TBRG4: variants seen among roughly 807,000 people sequenced by gnomAD.
The protein encoded by TBRG4 is FAST kinase domain-containing protein 4.
Under a neutral mutation model 65.6 loss-of-function variants are expected in TBRG4, and 43 were observed. That is an observed-to-expected ratio of 0.66 (90% CI 0.51 to 0.85). The LOEUF (loss-of-function observed/expected upper bound fraction) is 0.85, where lower values mean the gene tolerates loss of function less well. TBRG4 is among the 40% of genes least tolerant of loss of function. The pLI is 0.00. For synonymous variants in TBRG4, 366 were observed against 341.4 expected, an observed-to-expected ratio of 1.07 and a Z score of -0.79; for missense variants, 709 against 787.9, an observed-to-expected ratio of 0.90 and a Z score of 1.20.
chr7:45,105,498 G>C lies in TBRG4; in HGVS notation c.678C>G (p.Thr226=). The C allele has an allele frequency of 6.2e-7, 1 of 1,613,942 alleles. No individual in the cohort carries two copies. Among genetic ancestry groups the C allele is most frequent in the South Asian group, 1.1e-5 (1 of 91,060 alleles). ...AGAGGTGTCCCACCTTCATCATGACGGTCACTAATGTGTGGGAATCTTCAA... is the reference window on the plus strand; with the variant it reads ...AGAGGTGTCCCACCTTCATCATGACCGTCACTAATGTGTGGGAATCTTCAA... The part of the protein sequence containing the change: ...TEIEDSHTLV[T]VMMKVGHLSE... Residue 226 remains threonine, a synonymous_variant, in exon 3 of 11, where the codon ACC becomes ACG. Transcript: ENST00000258770.
In TBRG4 at chr7:45,101,837, C is replaced by CA; in HGVS notation, c.1554dup (p.Gly519TrpfsTer7). On this transcript the variant is annotated frameshift_variant, in exon 8 of 11. Coordinates refer to ENST00000258770, the MANE Select transcript of TBRG4 (RefSeq NM_004749.4). LOFTEE classifies it high-confidence loss of function. ...GGGGAGCCCTCACCCAGCACCCAGCCATACTGCGTGGCCACCTCGAGGCTG... is the reference window on the plus strand; with the variant it reads ...GGGGAGCCCTCACCCAGCACCCAGCCAATACTGCGTGGCCACCTCGAGGCTG... 6.2e-7 allele frequency: 1 copy of CA among 1,606,548 alleles called. No homozygotes were observed. The highest frequency in any genetic ancestry group is 8.5e-7 in the Non-Finnish European group (1 of 1,179,676).
intron 5 of TBRG4, 183 bp from the exon 6 acceptor site, chr7:45,103,626 G>A (rs752802046): frequency 8.6e-6 from 5 of 582,938 alleles, no homozygotes; most frequent in Non-Finnish European, 1.5e-5. Context: ...ACACTCCTTC[G>A]CCTGGCAGCA....
In TBRG4 at chr7:45,109,094, G is replaced by A; in HGVS notation, c.144C>T (p.Ser48=). 2 of 1,614,170 alleles carry A rather than the reference G, an allele frequency of 1.2e-6. No individual in the cohort carries two copies. Among genetic ancestry groups the A allele is most frequent in the Non-Finnish European group, 1.7e-6 (2 of 1,180,012 alleles). ...GCTCCATCAAGGAACCTGGGAGGTG[G>A]GAAATGGGTGAGGTGGCTGAGGAAG... ...TLTSSATSPI[S]HLPGSLMEPV... The change falls in exon 2 of 11, where the codon TCC becomes TCT. Residue 48 remains serine (S), a synonymous_variant. Transcript: ENST00000258770.
At chr7:45,101,473 C>T in intron 9 of TBRG4, 30 bp downstream of exon 9, 1 of 1,599,668 alleles carries the variant, frequency 6.3e-7, no homozygotes, top group Non-Finnish European at 8.6e-7. Context: ...CCATGGTGCC[C>T]CCATGGCCAA....
At chr7:45,111,502 G>A in intron 1 of TBRG4, 141 bp downstream of exon 1, 3 of 1,044,108 alleles carry the variant, frequency 2.9e-6, no homozygotes, top group Non-Finnish European at 2.6e-6. Flanking sequence ...GGAACGAGCA[G>A]ACGGCCAGGC....
rs968567297 is a variant in TBRG4, at chr7:45,101,917, AG to A, written c.1474del (p.Leu492CysfsTer9). The A allele has an allele frequency of 3.1e-6, 5 of 1,610,964 alleles. No individual in the cohort carries two copies. The highest frequency in any genetic ancestry group is 2.2e-5 in the East Asian group (1 of 44,848). ...CAGCGTCTCCTGCAGCTCCTTTTGC[AG>A]GGGGGTCACCTTCCTGTCAAGGGCT... ...PSALDRKVTPLQKELQETLKG... is the reference protein window; with the variant it reads ...PSALDRKVTPXQKELQETLKG... On this transcript the variant is annotated frameshift_variant, in exon 8 of 11. Coordinates refer to ENST00000258770, the MANE Select transcript of TBRG4 (RefSeq NM_004749.4). LOFTEE classifies it high-confidence loss of function.
chr7:45,111,491 C>A, intron 1 of TBRG4, 152 bp downstream of exon 1: 1 of 957,076 alleles, frequency 1.0e-6, no homozygotes, highest in Non-Finnish European at 1.4e-6. Flanking sequence ...CAAGCCAGCA[C>A]GGAACGAGCA....
intron 3 of TBRG4, 120 bp from the exon 4 acceptor site, chr7:45,104,829 G>T: frequency 6.9e-7 from 1 of 1,455,130 alleles, no homozygotes; most frequent in Non-Finnish European, 9.4e-7. Context: ...GTCAGACTGG[G>T]CCTGAGCTGA....
intron 4 of TBRG4, 63 bp downstream of exon 4, chr7:45,104,475 C>T (rs752825042): frequency 1.1e-4 from 179 of 1,611,474 alleles, no homozygotes; most frequent in Non-Finnish European, 1.4e-4. Context: ...GAATTTGACA[C>T]GGCTGCAGGC....
intron 2 of TBRG4, among the ~76,000 whole-genome samples, chr7:45,108,153 C>A (rs1785016465): frequency 6.6e-6 from 1 of 152,244 alleles, no homozygotes; most frequent in Non-Finnish European, 1.5e-5. Flanking sequence ...CAACTGGAAA[C>A]ATGGTTTCAG....
At chr7:45,106,363 G>A (rs1784955330) in intron 2 of TBRG4, 2 of 181,832 alleles carry the variant, frequency 1.1e-5, no homozygotes, top group East Asian at 1.4e-4. Context: ...TAGTGGGCAC[G>A]TAGACTTCAG....
rs1784881836 is a variant in TBRG4 at position 45,104,701 on chromosome 7, C to T, written c.744G>A (p.Glu248=). The T allele has an allele frequency of 6.2e-7, 1 of 1,613,510 alleles. No homozygotes were observed. The highest frequency in any genetic ancestry group is 1.3e-5 in the African/African-American group (1 of 74,948). Reference sequence around the variant, plus strand: ...CATTGGGGCCAAAGTGCTCCACCAACTCCAGGCACTGTCAACCACAGCCGC... The same window carrying T: ...CATTGGGGCCAAAGTGCTCCACCAATTCCAGGCACTGTCAACCACAGCCGC... ...LMNRLEDKCL[E]LVEHFGPNEL... is the part of the protein sequence containing the mutation. The change falls in exon 4 of 11, where the codon GAG becomes GAA. Residue 248 remains glutamate, a synonymous_variant. Transcript: ENST00000258770.
chr7:45,104,439 T>C (rs921360033), intron 4 of TBRG4, 99 bp downstream of exon 4: 4 of 1,593,896 alleles, frequency 2.5e-6, no homozygotes, highest in Non-Finnish European at 3.4e-6. Flanking sequence ...TCTGGGCCAG[T>C]GCCTACCATG....
In TBRG4 at chr7:45,105,471, C is replaced by T. The variant is rs142228035; in HGVS notation, c.705G>A (p.Ser235=). Residue 235 remains serine, a synonymous_variant, in exon 3 of 11, where the codon TCG becomes TCA. Transcript: ENST00000258770. ...CTTCCAGGCGGTTCATTAGTGGCTC[C>T]GAGAGGTGTCCCACCTTCATCATGA... is the stretch of plus-strand genomic sequence containing the variant. The part of the protein sequence containing the change: ...VTVMMKVGHL[S]EPLMNRLEDK... 8.1e-5 allele frequency: 131 copies of T among 1,611,192 alleles called. No homozygotes were observed. In the African/African-American group the frequency reaches 1.5e-3, roughly 18 times the overall value.
rs755699853 is a variant in TBRG4 at position 45,104,573 on chromosome 7, G to A, written c.872C>T (p.Thr291Met). The change falls in exon 4 of 11, where the codon ACG (threonine) becomes ATG (methionine). Residue 291 changes from threonine (T) to methionine (M), a missense_variant. Physicochemically the swap from Thr to Met is moderately conservative, Grantham distance 81. Coordinates refer to ENST00000258770, the MANE Select transcript of TBRG4 (RefSeq NM_004749.4). ...YHLVQKPFSL[T>M]KDVLLDVAYA... Reference sequence around the variant, plus strand: ...GGCCACGTCCAAGAGCACATCTTTCGTCAGAGAGAAGGGCTTCTGCACCAG... The same window carrying A: ...GGCCACGTCCAAGAGCACATCTTTCATCAGAGAGAAGGGCTTCTGCACCAG... The A allele has an allele frequency of 1.9e-5, 30 of 1,613,984 alleles. No individual in the cohort carries two copies. The highest frequency in any genetic ancestry group is 2.4e-5 in the Non-Finnish European group (28 of 1,180,008).
chr7:45,109,639 T>C (rs984079564), intron 1 of TBRG4, among the ~76,000 whole-genome samples: 1 of 152,152 alleles, frequency 6.6e-6, no homozygotes, highest in Non-Finnish European at 1.5e-5. Flanking sequence ...TAGACAGCAT[T>C]AATTTTTTTT....
chr7:45,111,138 G>C (rs1785112886), intron 1 of TBRG4, among the ~76,000 whole-genome samples: 1 of 152,056 alleles, frequency 6.6e-6, no homozygotes, highest in African/African-American at 2.4e-5. Flanking sequence ...ACCACACCTG[G>C]CTAATTTTTG....
chr7:45,109,540 T>C (rs936842562), intron 1 of TBRG4, among the ~76,000 whole-genome samples: 1 of 151,682 alleles, frequency 6.6e-6, no homozygotes, highest in African/African-American at 2.4e-5. Context: ...TGCTTGTAAT[T>C]TGAAATCACC....
chr7:45,111,583 T>C lies in TBRG4; in HGVS notation c.-51+60A>G, dbSNP rs982713976. ...ATCCCAGGACCTTCCCAGCCACGCC[T>C]GTGTTGTGCACTCGAAACCCACGAT... On this transcript the variant is annotated intron_variant, in intron 1 of 10. Transcript: ENST00000258770. The C allele has an allele frequency of 4.0e-5, 52 of 1,288,590 alleles. No homozygotes were observed. In the Admixed American group the frequency reaches 1.2e-3, roughly 30 times the overall value. 79.8% of individuals were successfully genotyped at this position (1,288,590 alleles called of 1,614,324 possible).
Sources: allele counts gnomAD v4.1 joint callset (sites outside exome capture counted in the v4.1 genomes callset), GRCh38; gene constraint gnomAD v4.1.1; transcripts MANE v1.5; gene names NCBI Gene and HGNC (gene_info 2026-07-23, HGNC 2026-07-21).